FAM13C: variants seen among roughly 807,000 people sequenced by gnomAD.
FAM13C encodes the protein family with sequence similarity 13 member C, also known as protein FAM13C.
In FAM13C, 37 loss-of-function variants were observed where a neutral mutation model predicts 73.2. That is an observed-to-expected ratio of 0.51 (90% CI 0.39 to 0.67). The LOEUF is 0.67. Ranked by LOEUF, FAM13C falls within the 30% of genes least tolerant of loss-of-function variation. FAM13C has a pLI of 0.00. For missense variants in FAM13C, 589 were observed against 715.6 expected, an observed-to-expected ratio of 0.82 and a Z score of 2.02; for synonymous variants, 246 against 260.9, an observed-to-expected ratio of 0.94 and a Z score of 0.55.
intron 4 of FAM13C, among the ~76,000 whole-genome samples, chr10:59,313,381 G>T (rs538527744): frequency 1.3e-5 from 2 of 152,284 alleles, no homozygotes; most frequent in African/African-American, 2.4e-5. Flanking sequence ...GCAATAGCCT[G>T]GGTCTCCTTT....
chr10:59,267,938 A>G (rs1285369706), intron 8 of FAM13C, among the ~76,000 whole-genome samples: 1 of 152,094 alleles, frequency 6.6e-6, no homozygotes, highest in South Asian at 2.1e-4. Context: ...CTATGACCCT[A>G]TTGTTTCTTA....
intron 5 of FAM13C, among the ~76,000 whole-genome samples, chr10:59,301,827 A>G (rs1847638217): frequency 6.6e-6 from 1 of 152,182 alleles, no homozygotes; most frequent in African/African-American, 2.4e-5. Context: ...TCTTTAGGAC[A>G]CTTTTTACCA....
At chr10:59,329,980 G>C (rs1254459389) in intron 3 of FAM13C, among the ~76,000 whole-genome samples, 2 of 152,166 alleles carry the variant, frequency 1.3e-5, no homozygotes, top group Non-Finnish European at 2.9e-5. Flanking sequence ...AGACCTTGCA[G>C]AGTCTGACTG....
intron 3 of FAM13C, among the ~76,000 whole-genome samples, chr10:59,327,394 A>G (rs1486504928): frequency 6.6e-6 from 1 of 152,194 alleles, no homozygotes; most frequent in African/African-American, 2.4e-5. Flanking sequence ...ATTTGCCTCT[A>G]TAAGAGATTT....
chr10:59,346,973 T>C (rs1854378757), intron 3 of FAM13C, among the ~76,000 whole-genome samples: 1 of 152,182 alleles, frequency 6.6e-6, no homozygotes, highest in Non-Finnish European at 1.5e-5. Context: ...AACTTCAGGA[T>C]TCATTATCTC....
intron 6 of FAM13C, 139 bp downstream of exon 6, chr10:59,283,224 C>T: frequency 1.2e-6 from 1 of 838,146 alleles, no homozygotes; most frequent in Non-Finnish European, 1.9e-6. Context: ...AACTCCTGGG[C>T]AACTCAGAAG....
chr10:59,289,758 C>T (rs1247901376), intron 5 of FAM13C, among the ~76,000 whole-genome samples: 1 of 152,142 alleles, frequency 6.6e-6, no homozygotes, highest in Non-Finnish European at 1.5e-5. Flanking sequence ...AATGCAGGAA[C>T]ATGCTTTTCC....
chr10:59,309,723 G>A (rs998219444), intron 4 of FAM13C, among the ~76,000 whole-genome samples: 6 of 152,190 alleles, frequency 3.9e-5, no homozygotes, highest in Admixed American at 6.5e-5. Flanking sequence ...TCATGTATTT[G>A]TGTAATTATT....
In FAM13C at chr10:59,320,652, T is replaced by C. The variant is rs369112727; in HGVS notation, c.443+3336A>G. Among the ~76,000 whole-genome samples the C allele has an allele frequency of 4.6e-5, 7 of 152,296 alleles. No individual in the cohort carries two copies. The East Asian group carries it at 9.7e-4, about 21-fold the overall frequency. On this transcript the variant is annotated intron_variant, in intron 4 of 13. Transcript: ENST00000618804. ...CAGCCACATGGTGGAAGAAGAGTTA[T>C]GGACAGAAAAAGGAAAATGACATAC...
chr10:59,272,774 C>T (rs1048843060), intron 6 of FAM13C, among the ~76,000 whole-genome samples: 2 of 152,162 alleles, frequency 1.3e-5, no homozygotes, highest in African/African-American at 4.8e-5. Flanking sequence ...AAAGGAGACA[C>T]TCTCTACAAC....
chr10:59,292,269 T>C (rs565312010), intron 5 of FAM13C, among the ~76,000 whole-genome samples: 1 of 152,348 alleles, frequency 6.6e-6, no homozygotes, highest in African/African-American at 2.4e-5. Flanking sequence ...CCCTAACCAG[T>C]CATTTTTCCC....
At chr10:59,321,684 G>A (rs756064152) in intron 4 of FAM13C, among the ~76,000 whole-genome samples, 23 of 151,972 alleles carry the variant, frequency 1.5e-4, no homozygotes, top group Non-Finnish European at 2.8e-4. Flanking sequence ...TGAGGACTCT[G>A]AGAGCTGTAG....
At chr10:59,263,539 T>A (rs1370546686) in intron 9 of FAM13C, among the ~76,000 whole-genome samples, 1 of 152,058 alleles carries the variant, frequency 6.6e-6, no homozygotes, top group Non-Finnish European at 1.5e-5. Context: ...AGAAAATAAT[T>A]TTTTATTGGT....
chr10:59,256,385 A>T (rs1350411617), intron 10 of FAM13C, among the ~76,000 whole-genome samples: 1 of 152,206 alleles, frequency 6.6e-6, no homozygotes, highest in Non-Finnish European at 1.5e-5. Context: ...AGAAAAGCTA[A>T]ATTTAATTCT....
intron 4 of FAM13C, among the ~76,000 whole-genome samples, chr10:59,320,612 T>C (rs961131138): frequency 6.6e-6 from 1 of 152,148 alleles, no homozygotes; most frequent in Non-Finnish European, 1.5e-5. Flanking sequence ...CAGAGTAGGC[T>C]CAGAGACTCC....
rs142072592 is a variant in FAM13C at position 59,329,582 on chromosome 10, CTCCTGACCTCAGGTGA to C, written c.325-5492_325-5477del. Among the ~76,000 whole-genome samples, 1,280 of 152,064 alleles carry C rather than the reference CTCCTGACCTCAGGTGA, an allele frequency of 8.4e-3. 24 individuals carry two copies. Among genetic ancestry groups the C allele is most frequent in the African/African-American group, 0.03 (1,227 of 41,462 alleles). ...CCAGGTTGGCCAGTCTGGTCTGGAA[CTCCTGACCTCAGGTGA>C]TCCACCTGCCTTGGCCCCCAAAATG... On this transcript the variant is annotated intron_variant, in intron 3 of 13. Transcript: ENST00000618804.
intron 3 of FAM13C, among the ~76,000 whole-genome samples, chr10:59,338,314 C>A (rs1853017827): frequency 6.6e-6 from 1 of 152,104 alleles, no homozygotes; most frequent in South Asian, 2.1e-4. Context: ...CTGTCCCAAG[C>A]CCAAACACCA....
intron 5 of FAM13C, chr10:59,301,175 T>C (rs560813463): frequency 1.3e-5 from 2 of 152,380 alleles, no homozygotes; most frequent in Admixed American, 1.3e-4. Context: ...CCAAGGTCTT[T>C]TCTGGTCTCC....
chr10:59,288,545 C>T (rs191627822), intron 5 of FAM13C, among the ~76,000 whole-genome samples: 1 of 152,220 alleles, frequency 6.6e-6, no homozygotes, highest in Admixed American at 6.5e-5. Context: ...CCACTTTCTC[C>T]CTCACTGTAC....
Sources: allele counts gnomAD v4.1 joint callset (sites outside exome capture counted in the v4.1 genomes callset), GRCh38; gene constraint gnomAD v4.1.1; transcripts MANE v1.5; gene names NCBI Gene and HGNC (gene_info 2026-07-23, HGNC 2026-07-21).